The following GTSE1 variants were observed in gnomAD, a reference collection of about 807,000 sequenced individuals.
The protein encoded by GTSE1 is G2 and S-phase expressed 1, also known as G2 and S phase-expressed protein 1.
In GTSE1, 52 loss-of-function variants were observed where a neutral mutation model predicts 60.5. The observed-to-expected ratio is 0.86, with a 90% CI of 0.69 to 1.08. GTSE1 has a LOEUF of 1.08. Ranked by LOEUF, GTSE1 falls within the 50% of genes least tolerant of loss-of-function variation. The pLI is 0.00. For synonymous variants in GTSE1, 368 were observed against 386.5 expected, an observed-to-expected ratio of 0.95 and a Z score of 0.56; for missense variants, 937 against 961.8, an observed-to-expected ratio of 0.97 and a Z score of 0.34.
Position 46,326,636 on chromosome 22 carries a change from G to C in GTSE1, c.1706G>C (p.Arg569Pro), listed in dbSNP as rs200685863. 1 of 1,609,742 alleles carries C rather than the reference G, an allele frequency of 6.2e-7. No homozygotes were observed. The highest frequency in any genetic ancestry group is 1.7e-5 in the Admixed American group (1 of 59,544). The change falls in exon 9 of 12, where the codon CGC becomes CCC. Residue 569 changes from arginine (R) to proline (P), a missense_variant. Coordinates refer to ENST00000454366, the MANE Select transcript of GTSE1 (RefSeq NM_016426.7). ...VPARRRSSEP[R>P]KNSAMRTEPT... ...GCTCGGAGACGTTCCTCTGAGCCCC[G>C]CAAGAACTCTGCAATGAGGTAAGAC...
rs1014561935 is a variant in GTSE1, at chr22:46,321,270, G to C, written c.1433-1920G>C. Among the ~76,000 whole-genome samples the C allele has an allele frequency of 6.6e-6, 1 of 152,176 alleles. No homozygotes were observed. Among genetic ancestry groups the C allele is most frequent in the African/African-American group, 2.4e-5 (1 of 41,460 alleles). ...ACAAAAACATTTAGCTGGGCATGGT[G>C]CTGGGCACCTGTAGTCCCAGCTACT... On this transcript the variant is annotated intron_variant, in intron 7 of 11. Transcript: ENST00000454366. The surrounding 1 kb of genome is among the most constrained non-coding windows in gnomAD (Gnocchi z 4.0).
Position 46,316,585 on chromosome 22 carries a change from G to A in GTSE1, c.1432+173G>A, listed in dbSNP as rs1207201345. Reference sequence around the variant, plus strand: ...ACGTTGTTTTGGGGGGTCACTGGAGGCTCCCTGAATGTCTTACGTTCGTTC... The same window carrying A: ...ACGTTGTTTTGGGGGGTCACTGGAGACTCCCTGAATGTCTTACGTTCGTTC... On this transcript the variant is annotated intron_variant, in intron 7 of 11. Transcript: ENST00000454366. This position sits in a 1 kb window ranked among gnomAD's most constrained non-coding sequence, Gnocchi z 5.0. Among the ~76,000 whole-genome samples the A allele has an allele frequency of 1.3e-5, 2 of 152,188 alleles. No individual in the cohort carries two copies. The highest frequency in any genetic ancestry group is 2.4e-5 in the African/African-American group (1 of 41,446).
chr22:46,325,590 G>A (rs995632422), intron 8 of GTSE1, among the ~76,000 whole-genome samples: 1 of 152,016 alleles, frequency 6.6e-6, no homozygotes, highest in Non-Finnish European at 1.5e-5. Context: ...CTACCTCCTG[G>A]GTTCAAGTGA....
In GTSE1 at chr22:46,297,708, G is replaced by T. The variant is rs933120920; in HGVS notation, c.79+229G>T. ...GTTTTATTTACCGCAGTGCTCCCATGCCCTGAACAGCACCTAACACTTTGT... is the reference window on the plus strand; with the variant it reads ...GTTTTATTTACCGCAGTGCTCCCATTCCCTGAACAGCACCTAACACTTTGT... On this transcript the variant is annotated intron_variant, in intron 2 of 11. Transcript: ENST00000454366. This position sits in a 1 kb window ranked among gnomAD's most constrained non-coding sequence, Gnocchi z 4.9. 6.6e-6 allele frequency among the ~76,000 whole-genome samples: 1 copy of T among 152,148 alleles called. No homozygotes were observed. Among genetic ancestry groups the T allele is most frequent in the East Asian group, 1.9e-4 (1 of 5,198 alleles).
At chr22:46,326,272 G>A (rs966055169) in intron 8 of GTSE1, among the ~76,000 whole-genome samples, 164 bp from the exon 9 acceptor site, 5 of 152,158 alleles carry the variant, frequency 3.3e-5, no homozygotes, top group Non-Finnish European at 7.4e-5. Flanking sequence ...AGCCTTGCCC[G>A]CCTTGGGGCC....
chr22:46,328,851 G>A lies in GTSE1; in HGVS notation c.1888G>A (p.Glu630Lys), dbSNP rs757655045. Residue 630 changes from glutamate to lysine, a missense_variant, in exon 10 of 12, where the codon GAG (glutamate) becomes AAG (lysine). Physicochemically the swap from Glu to Lys is moderately conservative, Grantham distance 56 (BLOSUM62 1). Coordinates refer to ENST00000454366, the MANE Select transcript of GTSE1 (RefSeq NM_016426.7). Reference protein sequence around the residue: ...SKSTATEVAREEAKPGGDAAP... With the variant: ...SKSTATEVARKEAKPGGDAAP... ...AAGTACTGCCACAGAAGTAGCTCGG[G>A]AGGAAGCCAAGCCGGGTGGAGATGC... is the stretch of plus-strand genomic sequence containing the variant. 1 of 1,614,008 alleles carries A rather than the reference G, an allele frequency of 6.2e-7. No homozygotes were observed. The highest frequency in any genetic ancestry group is 1.1e-5 in the South Asian group (1 of 91,078).
In GTSE1 at chr22:46,315,618, C is replaced by G. The variant is rs61182045; in HGVS notation, c.1052-414C>G. On this transcript the variant is annotated intron_variant, in intron 6 of 11. Transcript: ENST00000454366. ...CTTATGGTTAATATGACGCAGCCTC[C>G]TTGTAATTTTAAAGGAATCAACCAG... Among the ~76,000 whole-genome samples, 340 of 152,326 alleles carry G rather than the reference C, an allele frequency of 2.2e-3. 1 individual carries two copies. The highest frequency in any genetic ancestry group is 8.0e-3 in the African/African-American group (331 of 41,584).
In GTSE1 at chr22:46,330,278, C is replaced by T. The variant is rs1054680270; in HGVS notation, c.*148C>T. ...GGCGGATTACTTGAGCCCAGGAGTT[C>T]GGGACCAGCCTGGGAAATATAGTGA... On this transcript the variant is annotated 3_prime_UTR_variant, in exon 12 of 12. Transcript: ENST00000454366. The surrounding 1 kb of genome is among the most constrained non-coding windows in gnomAD (Gnocchi z 6.0). The T allele has an allele frequency of 3.8e-5, 23 of 604,836 alleles. No individual in the cohort carries two copies. Among genetic ancestry groups the T allele is most frequent in the African/African-American group, 2.8e-4 (15 of 54,106 alleles). The allele number at this position is 604,836 out of a possible 1,614,324, so 37.5% of individuals were successfully genotyped here.
chr22:46,325,491 G>A lies in GTSE1; in HGVS notation c.1506-945G>A, dbSNP rs376711542. 2.2e-3 allele frequency among the ~76,000 whole-genome samples: 341 copies of A among 151,672 alleles called. 3 individuals carry two copies. Among genetic ancestry groups the A allele is most frequent in the African/African-American group, 7.8e-3 (322 of 41,318 alleles). ...GATTACAGGCGTGAGCCACCCGCCC[G>A]GCCTATGTTTGTTTATTTTTTTGAG... is the stretch of plus-strand genomic sequence containing the variant. On this transcript the variant is annotated intron_variant, in intron 8 of 11. Coordinates refer to ENST00000454366, the MANE Select transcript of GTSE1 (RefSeq NM_016426.7).
At chr22:46,315,654 G>A (rs1235008801) in intron 6 of GTSE1, among the ~76,000 whole-genome samples, 2 of 152,186 alleles carry the variant, frequency 1.3e-5, no homozygotes, top group Non-Finnish European at 2.9e-5. Flanking sequence ...TAACAATTGC[G>A]TCTTTTTTCC....
In GTSE1 at chr22:46,316,021, A is replaced by G; in HGVS notation, c.1052-11A>G. ...TTATAATAATGTGATTTTTGTGTGT[A>G]TACCTTCTAGCTAAATCAAGTGAAT... On this transcript the variant is annotated splice_polypyrimidine_tract_variant and intron_variant, in intron 6 of 11. Transcript: ENST00000454366. The surrounding 1 kb of genome is among the most constrained non-coding windows in gnomAD (Gnocchi z 5.0). 2 of 1,480,654 alleles carry G rather than the reference A, an allele frequency of 1.4e-6. No homozygotes were observed. The highest frequency in any genetic ancestry group is 9.0e-7 in the Non-Finnish European group (1 of 1,112,308). The allele number at this position is 1,480,654 out of a possible 1,614,324, so 91.7% of individuals were successfully genotyped here. A position where few individuals can be genotyped will look rare whatever the true frequency, so the allele number is the denominator to read the frequency against.
intron 4 of GTSE1, among the ~76,000 whole-genome samples, chr22:46,311,134 A>G (rs1356222195): frequency 3.3e-5 from 5 of 151,692 alleles, no homozygotes; most frequent in African/African-American, 7.3e-5. Context: ...CAGGAGTGCA[A>G]TGGTGCAATC....
At position 46,304,155 on chromosome 22, in the gene GTSE1, C is replaced by G. The variant is rs1333709274; in HGVS notation, c.80-3995C>G. ...CAGGTATATGGCACCATACCCCGCT[C>G]ATTTTTTTTTTTCTTTTTGTAGAGC... is the stretch of plus-strand genomic sequence containing the variant. On this transcript the variant is annotated intron_variant, in intron 2 of 11. Coordinates refer to ENST00000454366, the MANE Select transcript of GTSE1 (RefSeq NM_016426.7). This position sits in a 1 kb window ranked among gnomAD's most constrained non-coding sequence, Gnocchi z 4.4. Among the ~76,000 whole-genome samples, 1 of 151,794 alleles carries G rather than the reference C, an allele frequency of 6.6e-6. No homozygotes were observed. Among genetic ancestry groups the G allele is most frequent in the East Asian group, 1.9e-4 (1 of 5,166 alleles).
intron 7 of GTSE1, among the ~76,000 whole-genome samples, chr22:46,322,161 G>A (rs550297786): frequency 2.5e-4 from 38 of 152,198 alleles, no homozygotes; most frequent in African/African-American, 8.7e-4. Flanking sequence ...TTAAAGCGGG[G>A]CAGGGACGTG....
At position 46,320,139 on chromosome 22, in the gene GTSE1, A is replaced by G. The variant is rs78242631; in HGVS notation, c.1433-3051A>G. ...CCTGGAGCCAGGACATGCGTCTGCC[A>G]TGTCTCTCCTGACCACGTTGGCACA... is the stretch of plus-strand genomic sequence containing the variant. On this transcript the variant is annotated intron_variant, in intron 7 of 11. Coordinates refer to ENST00000454366, the MANE Select transcript of GTSE1 (RefSeq NM_016426.7). This position sits in a 1 kb window ranked among gnomAD's most constrained non-coding sequence, Gnocchi z 7.1. Among the ~76,000 whole-genome samples, 796 of 152,220 alleles carry G rather than the reference A, an allele frequency of 5.2e-3. 2 individuals carry two copies. The highest frequency in any genetic ancestry group is 8.0e-3 in the Non-Finnish European group (543 of 68,004).
Position 46,329,264 on chromosome 22 carries a change from C to T in GTSE1, c.1927-94C>T. 1 of 1,077,956 alleles carries T rather than the reference C, an allele frequency of 9.3e-7. No homozygotes were observed. Among genetic ancestry groups the T allele is most frequent in the Admixed American group, 1.7e-5 (1 of 59,048 alleles). 66.8% of individuals were successfully genotyped at this position (1,077,956 alleles called of 1,614,324 possible). ...CTGATTCCTTGGCTTTCCAAACCGCCAGCCCACCTGGAACATGAGCAAAGC... is the reference window on the plus strand; with the variant it reads ...CTGATTCCTTGGCTTTCCAAACCGCTAGCCCACCTGGAACATGAGCAAAGC... On this transcript the variant is annotated intron_variant, in intron 10 of 11. Coordinates refer to ENST00000454366, the MANE Select transcript of GTSE1 (RefSeq NM_016426.7). This position sits in a 1 kb window ranked among gnomAD's most constrained non-coding sequence, Gnocchi z 6.4.
At chr22:46,311,360 G>A (rs534114519) in intron 4 of GTSE1, among the ~76,000 whole-genome samples, 71 of 152,330 alleles carry the variant, frequency 4.7e-4, no homozygotes, top group African/African-American at 1.7e-3. Context: ...TTACAGGCGT[G>A]AGCCACTGCA....
In GTSE1 at chr22:46,319,031, G is replaced by A. The variant is rs1230352014; in HGVS notation, c.1432+2619G>A. On this transcript the variant is annotated intron_variant, in intron 7 of 11. Coordinates refer to ENST00000454366, the MANE Select transcript of GTSE1 (RefSeq NM_016426.7). This position sits in a 1 kb window ranked among gnomAD's most constrained non-coding sequence, Gnocchi z 5.0. ...GTCCCATTGAGTACGACGCTTCCCT[G>A]CACAGGATGCTAGGACACGTTGTCT... Among the ~76,000 whole-genome samples the A allele has an allele frequency of 6.6e-6, 1 of 152,190 alleles. No individual in the cohort carries two copies. The highest frequency in any genetic ancestry group is 1.5e-5 in the Non-Finnish European group (1 of 68,022).
At position 46,313,522 on chromosome 22, in the gene GTSE1, T is replaced by C. The variant is rs546113037; in HGVS notation, c.928-368T>C. Among the ~76,000 whole-genome samples the C allele has an allele frequency of 2.2e-4, 33 of 152,376 alleles. No individual in the cohort carries two copies. The highest frequency in any genetic ancestry group is 7.7e-4 in the African/African-American group (32 of 41,594). On this transcript the variant is annotated intron_variant, in intron 5 of 11. Coordinates refer to ENST00000454366, the MANE Select transcript of GTSE1 (RefSeq NM_016426.7). This position sits in a 1 kb window ranked among gnomAD's most constrained non-coding sequence, Gnocchi z 4.4. The stretch of plus-strand genomic sequence containing the variant: ...ACACCAACTTTTGTTGTTGTTGTTG[T>C]TGTTGAGACGGAGTCTCACTCTGTC...
Sources: allele counts gnomAD v4.1 joint callset (sites outside exome capture counted in the v4.1 genomes callset), GRCh38; gene constraint gnomAD v4.1.1; non-coding constraint Gnocchi (gnomAD v3.1); transcripts MANE v1.5; gene names NCBI Gene and HGNC (gene_info 2026-07-23, HGNC 2026-07-21).